EYS: variants seen among roughly 807,000 people sequenced by gnomAD.
The protein encoded by EYS is protein eyes shut homolog.
In EYS, 250 loss-of-function variants were observed where a neutral mutation model predicts 282.1. The ratio of observed to expected loss-of-function variants is 0.89; its 90% CI spans 0.80 to 0.98. The LOEUF (loss-of-function observed/expected upper bound fraction) is 0.98. Among genes scored for constraint, EYS ranks in the 50% least tolerant of loss-of-function variants. EYS has a pLI of 0.00. For missense variants in EYS, 4,016 were observed against 3,709.0 expected (o/e 1.08, Z -2.15); for synonymous variants, 1,355 against 1,282.9 (o/e 1.06, Z -1.20).
At chr6:64,315,406 A>T (rs1769915004) in intron 29 of EYS, among the ~76,000 whole-genome samples, 1 of 151,196 alleles carries the variant, frequency 6.6e-6, no homozygotes, top group East Asian at 2.0e-4. Context: ...AACCTCCCTA[A>T]CTCATTTTAT....
intron 14 of EYS, among the ~76,000 whole-genome samples, chr6:64,949,138 A>G (rs1769394918): frequency 6.6e-6 from 1 of 151,948 alleles, no homozygotes; most frequent in Non-Finnish European, 1.5e-5. Flanking sequence ...CATCTAGTAT[A>G]TTAGTTTTCT....
intron 1 of EYS, among the ~76,000 whole-genome samples, chr6:65,666,000 A>G (rs1043205769): frequency 6.6e-6 from 1 of 151,758 alleles, no homozygotes; most frequent in Non-Finnish European, 1.5e-5. Flanking sequence ...GGAAGTTCTG[A>G]TTTGTCAGTA....
intron 30 of EYS, among the ~76,000 whole-genome samples, chr6:64,256,452 C>T (rs965345484): frequency 6.6e-6 from 1 of 151,988 alleles, no homozygotes; most frequent in African/African-American, 2.4e-5. Flanking sequence ...GTGGAAACCA[C>T]TTATACTGAA....
At chr6:64,452,633 A>G (rs990689986) in intron 26 of EYS, among the ~76,000 whole-genome samples, 1 of 152,138 alleles carries the variant, frequency 6.6e-6, no homozygotes, top group Non-Finnish European at 1.5e-5. Flanking sequence ...AGTAACCAAA[A>G]CAGCATGGTA....
intron 24 of EYS, among the ~76,000 whole-genome samples, chr6:64,605,319 T>C (rs1766893572): frequency 6.6e-6 from 1 of 151,874 alleles, no homozygotes; most frequent in Non-Finnish European, 1.5e-5. Flanking sequence ...GCAAAAAAAG[T>C]TTGAATGTTA....
intron 14 of EYS, among the ~76,000 whole-genome samples, chr6:64,976,047 A>C (rs1349565937): frequency 6.6e-6 from 1 of 151,960 alleles, no homozygotes; most frequent in Non-Finnish European, 1.5e-5. Context: ...TAACTTTATT[A>C]AATGAATCTA....
At chr6:65,685,699 ATG>A (rs1768990812) in intron 1 of EYS, among the ~76,000 whole-genome samples, 1 of 151,956 alleles carries the variant, frequency 6.6e-6, no homozygotes, top group South Asian at 2.1e-4. Context: ...TTACAGCGAA[ATG>A]TGTGTTTCCA....
chr6:65,568,877 A>G (rs1764376241), intron 2 of EYS, among the ~76,000 whole-genome samples: 3 of 152,212 alleles, frequency 2.0e-5, no homozygotes, highest in African/African-American at 7.2e-5. Context: ...CAGTGAGAAT[A>G]TTATGACAGT....
At chr6:65,593,958 A>G (rs1022488988) in intron 2 of EYS, among the ~76,000 whole-genome samples, 1 of 151,994 alleles carries the variant, frequency 6.6e-6, no homozygotes, top group Non-Finnish European at 1.5e-5. Flanking sequence ...TGGAGCATAG[A>G]GAAGGTCAAA....
chr6:65,333,859 T>A (rs1463986535), intron 11 of EYS, among the ~76,000 whole-genome samples: 2 of 151,638 alleles, frequency 1.3e-5, no homozygotes, highest in African/African-American at 4.8e-5. Context: ...AATCTATTTT[T>A]TCCCTGATGT....
rs886061675 is a variant in EYS, at chr6:64,591,427, T to C, written c.4440A>G (p.Arg1480=). The C allele has an allele frequency of 1.3e-6, 2 of 1,551,366 alleles. No homozygotes were observed. The highest frequency in any genetic ancestry group is 8.7e-7 in the Non-Finnish European group (1 of 1,146,790). Residue 1480 remains arginine (R), a synonymous_variant, in exon 26 of 43, where the codon AGA becomes AGG. Coordinates refer to ENST00000503581, the MANE Select transcript of EYS (RefSeq NM_001142800.2). ...GGCTGAGCAATCTCCAGTGCTCTCT[T>C]CTTGAAATTAAAGAATCAGCTGAAT... ...EEYSADSLIS[R]REHWRLLSPS...
At chr6:65,272,202 T>C (rs1482449219) in intron 12 of EYS, among the ~76,000 whole-genome samples, 1 of 152,158 alleles carries the variant, frequency 6.6e-6, no homozygotes, top group Non-Finnish European at 1.5e-5. Context: ...TTCTTATAAG[T>C]GGTTGGTTAG....
At chr6:63,906,384 T>C (rs2149734785) in intron 35 of EYS, among the ~76,000 whole-genome samples, 1 of 152,346 alleles carries the variant, frequency 6.6e-6, no homozygotes, top group Non-Finnish European at 1.5e-5. Context: ...GCATTTATAA[T>C]AGGGCAGCTT....
chr6:64,962,586 A>G (rs1018089227), intron 14 of EYS, among the ~76,000 whole-genome samples: 1 of 151,756 alleles, frequency 6.6e-6, no homozygotes, highest in Non-Finnish European at 1.5e-5. Context: ...AAAGAAAAGA[A>G]AAAAAAAGCT....
At chr6:65,382,641 T>G (rs1765662175) in intron 8 of EYS, among the ~76,000 whole-genome samples, 1 of 151,932 alleles carries the variant, frequency 6.6e-6, no homozygotes, top group African/African-American at 2.4e-5. Flanking sequence ...CAGTAGGCTG[T>G]CTGCAAGCTG....
chr6:63,824,797 C>T (rs944855033), intron 36 of EYS, among the ~76,000 whole-genome samples: 1 of 152,108 alleles, frequency 6.6e-6, no homozygotes, highest in African/African-American at 2.4e-5. Flanking sequence ...CCTGGCACCA[C>T]AGGGATCCAT....
chr6:64,866,231 T>C (rs1766421519), intron 19 of EYS, among the ~76,000 whole-genome samples: 1 of 152,006 alleles, frequency 6.6e-6, no homozygotes, highest in African/African-American at 2.4e-5. Flanking sequence ...AATTTACTGA[T>C]ACTGGATTTC....
chr6:63,969,184 A>G (rs868716385), intron 35 of EYS, among the ~76,000 whole-genome samples: 1 of 152,092 alleles, frequency 6.6e-6, no homozygotes, highest in East Asian at 1.9e-4. Flanking sequence ...TTTGTGATTT[A>G]TTATTTGCAT....
chr6:64,069,258 A>T (rs1771483454), intron 32 of EYS, among the ~76,000 whole-genome samples: 1 of 152,044 alleles, frequency 6.6e-6, no homozygotes, highest in South Asian at 2.1e-4. Context: ...TAATGCAGGG[A>T]TCATTTTTTC....
Sources: gnomAD v4.1 joint callset for allele counts (sites outside exome capture counted in the v4.1 genomes callset) on GRCh38, gnomAD v4.1.1 for gene constraint, MANE v1.5 for transcripts, NCBI Gene and HGNC (gene_info 2026-07-23, HGNC 2026-07-21) for gene names.